The following TENM4 variants were observed in gnomAD, a reference collection of about 807,000 sequenced individuals.
TENM4 encodes teneurin transmembrane protein 4, also known as teneurin-4.
Under a neutral mutation model 243.3 loss-of-function variants are expected in TENM4, and 82 were observed. That is an observed-to-expected ratio of 0.34 (90% CI 0.28 to 0.40). TENM4 has a LOEUF of 0.40. Among genes scored for constraint, TENM4 ranks in the 10% least tolerant of loss-of-function variants. TENM4 has a pLI of 1.00. For synonymous variants in TENM4, 1,412 were observed against 1,456.3 expected (o/e 0.97, Z 0.69); for missense variants, 3,138 against 3,673.3 (o/e 0.85, Z 3.77).
At chr11:78,912,620 A>C (rs1251054115) in intron 6 of TENM4, among the ~76,000 whole-genome samples, 1 of 152,200 alleles carries the variant, frequency 6.6e-6, no homozygotes, top group Admixed American at 6.5e-5. Context: ...GGCTTCATTA[A>C]AATGCACATG....
intron 6 of TENM4, among the ~76,000 whole-genome samples, chr11:78,984,249 A>G (rs1282000084): frequency 2.0e-5 from 3 of 152,246 alleles, no homozygotes; most frequent in Admixed American, 6.5e-5. Context: ...TGTTACACTC[A>G]TGTAAGGCTT....
At chr11:79,243,254 A>G (rs1308871824) in intron 2 of TENM4, among the ~76,000 whole-genome samples, 6 of 152,024 alleles carry the variant, frequency 3.9e-5, no homozygotes, top group African/African-American at 1.4e-4. Flanking sequence ...TCAGTCATTT[A>G]TCAGACTCCA....
At chr11:79,217,355 A>G (rs1049202487) in intron 2 of TENM4, among the ~76,000 whole-genome samples, 6 of 152,150 alleles carry the variant, frequency 3.9e-5, no homozygotes, top group African/African-American at 1.4e-4. Context: ...CTTATTATAC[A>G]AGAGACCTAC....
chr11:79,284,903 C>G (rs1176359737), intron 2 of TENM4, among the ~76,000 whole-genome samples: 1 of 152,076 alleles, frequency 6.6e-6, no homozygotes, highest in Non-Finnish European at 1.5e-5. Flanking sequence ...AAATATTTCT[C>G]CAAAGAAGAC....
intron 15 of TENM4, among the ~76,000 whole-genome samples, chr11:78,800,988 A>G (rs1857269861): frequency 6.6e-6 from 1 of 152,180 alleles, no homozygotes; most frequent in African/African-American, 2.4e-5. Context: ...CTTAGCTAAG[A>G]TAAGGTTGTA....
intron 20 of TENM4, 125 bp downstream of exon 20, chr11:78,738,326 T>C: frequency 7.5e-7 from 1 of 1,330,008 alleles, no homozygotes; most frequent in Non-Finnish European, 1.0e-6. Context: ...GAGCTGGGCA[T>C]TTGAATTCAG....
chr11:79,311,716 C>A (rs544877938), intron 1 of TENM4, among the ~76,000 whole-genome samples: 2 of 152,294 alleles, frequency 1.3e-5, no homozygotes, highest in Admixed American at 6.5e-5. Context: ...CCACCACACA[C>A]GTCTGCTCAC....
chr11:79,119,801 T>C (rs1052823418), intron 4 of TENM4, among the ~76,000 whole-genome samples: 10 of 152,200 alleles, frequency 6.6e-5, no homozygotes, highest in African/African-American at 2.4e-4. Flanking sequence ...CCTCTCCAGA[T>C]GTCCATCCTC....
chr11:78,967,925 T>C (rs1362140259), intron 6 of TENM4, among the ~76,000 whole-genome samples: 1 of 152,232 alleles, frequency 6.6e-6, no homozygotes, highest in Non-Finnish European at 1.5e-5. Context: ...AAGTGAGTGA[T>C]ACAGTTTGGA....
chr11:78,658,248 T>A lies in TENM4; in HGVS notation c.8120A>T (p.Gln2707Leu), dbSNP rs908570140. The A allele has an allele frequency of 6.2e-7, 1 of 1,613,686 alleles. No individual in the cohort carries two copies. The highest frequency in any genetic ancestry group is 8.5e-7 in the Non-Finnish European group (1 of 1,179,762). ...RAVRQAWARE[Q>L]QRLREGEEGL... The stretch of plus-strand genomic sequence containing the variant: ...TTCCTCCCCTTCCCGCAGTCTCTGC[T>A]GCTCGCGGGCCCACGCTTGGCGCAC... Residue 2707 changes from glutamine (Q) to leucine (L), a missense_variant, in exon 34 of 34, where the codon CAG (glutamine) becomes CTG (leucine). Physicochemically the swap from Gln to Leu is moderately radical, Grantham distance 113 (BLOSUM62 -2). This residue lies in a region of TENM4 where 2,467 missense variants were observed against 3,059.1 expected (regional missense o/e 0.81). Transcript: ENST00000278550.
At chr11:78,688,713 G>C (rs1858744646) in intron 28 of TENM4, among the ~76,000 whole-genome samples, 1 of 152,080 alleles carries the variant, frequency 6.6e-6, no homozygotes, top group Non-Finnish European at 1.5e-5. Flanking sequence ...TTACCCAGGG[G>C]TTTCCTAGGT....
chr11:78,997,504 C>T (rs1858205502), intron 6 of TENM4, among the ~76,000 whole-genome samples: 1 of 152,192 alleles, frequency 6.6e-6, no homozygotes, highest in Non-Finnish European at 1.5e-5. Flanking sequence ...AGTTATAATT[C>T]AGGAGCTACC....
chr11:79,317,088 A>G (rs959330597), intron 1 of TENM4, among the ~76,000 whole-genome samples: 1 of 152,202 alleles, frequency 6.6e-6, no homozygotes, highest in Non-Finnish European at 1.5e-5. Context: ...AAAAAGAATG[A>G]CTTTTAAAAT....
At chr11:79,108,949 G>T (rs903132707) in intron 4 of TENM4, among the ~76,000 whole-genome samples, 1 of 151,702 alleles carries the variant, frequency 6.6e-6, no homozygotes, top group Non-Finnish European at 1.5e-5. Flanking sequence ...AACACACACC[G>T]ACTCACAAAC....
chr11:79,323,104 A>G (rs1856918299), intron 1 of TENM4, among the ~76,000 whole-genome samples: 2 of 152,240 alleles, frequency 1.3e-5, no homozygotes, highest in African/African-American at 4.8e-5. Flanking sequence ...AATCCAGGTT[A>G]ATGTTTCCAC....
intron 19 of TENM4, among the ~76,000 whole-genome samples, chr11:78,745,222 T>C (rs1186697926): frequency 7.0e-6 from 1 of 143,004 alleles, no homozygotes; most frequent in Non-Finnish European, 1.5e-5. Context: ...CTTTTTTTTC[T>C]TTTTCTTTTT....
At chr11:79,275,179 T>C (rs1424716051) in intron 2 of TENM4, among the ~76,000 whole-genome samples, 1 of 152,110 alleles carries the variant, frequency 6.6e-6, no homozygotes, top group Non-Finnish European at 1.5e-5. Context: ...TTCATGGGAA[T>C]AAACAATCCT....
At chr11:78,748,509 C>T (rs1214417268) in intron 19 of TENM4, among the ~76,000 whole-genome samples, 2 of 152,176 alleles carry the variant, frequency 1.3e-5, no homozygotes, top group African/African-American at 2.4e-5. Context: ...GTTGTAGTGG[C>T]ACCACACTGT....
chr11:78,776,252 C>G (rs566079084), intron 17 of TENM4, among the ~76,000 whole-genome samples: 1 of 152,192 alleles, frequency 6.6e-6, no homozygotes, highest in African/African-American at 2.4e-5. Context: ...CAGACGCTTT[C>G]TTATACCCTC....
Sources: allele counts gnomAD v4.1 joint callset (sites outside exome capture counted in the v4.1 genomes callset), GRCh38; gene constraint gnomAD v4.1.1; regional missense constraint gnomAD v4.1.1; transcripts MANE v1.5; gene names NCBI Gene and HGNC (gene_info 2026-07-23, HGNC 2026-07-21).